The following KSR2 variants were observed in gnomAD, a reference collection of about 807,000 sequenced individuals.
KSR2 encodes the protein kinase suppressor of ras 2.
Under a neutral mutation model 107.8 loss-of-function variants are expected in KSR2, and 25 were observed. That is an observed-to-expected ratio of 0.23 (90% CI 0.17 to 0.32). KSR2 has a LOEUF of 0.32. KSR2 is among the 10% of genes least tolerant of loss of function. KSR2 has a pLI of 1.00. For synonymous variants in KSR2, 480 were observed against 507.0 expected, an observed-to-expected ratio of 0.95 and a Z score of 0.71; for missense variants, 887 against 1,268.9, an observed-to-expected ratio of 0.70 and a Z score of 4.57.
At chr12:117,726,212 A>G (rs540171453) in intron 4 of KSR2, among the ~76,000 whole-genome samples, 8 of 152,232 alleles carry the variant, frequency 5.3e-5, no homozygotes, top group Admixed American at 2.0e-4. Context: ...TTTTAAAAAG[A>G]TAACCCAATT....
At chr12:117,816,814 C>A (rs549164506) in intron 3 of KSR2, among the ~76,000 whole-genome samples, 1 of 152,176 alleles carries the variant, frequency 6.6e-6, no homozygotes, top group African/African-American at 2.4e-5. Flanking sequence ...GATCATCACC[C>A]CCATTTTGCA....
intron 5 of KSR2, among the ~76,000 whole-genome samples, chr12:117,584,965 G>A (rs1043597776): frequency 1.1e-4 from 17 of 152,178 alleles, no homozygotes; most frequent in African/African-American, 3.6e-4. Context: ...AGGAGCCCCC[G>A]CACCCCCGTT....
intron 4 of KSR2, among the ~76,000 whole-genome samples, chr12:117,698,846 T>C (rs1243393557): frequency 3.3e-5 from 5 of 152,196 alleles, no homozygotes; most frequent in Non-Finnish European, 1.5e-5. Context: ...TCTGATTGTC[T>C]CCTGACTGGG....
At position 117,555,206 on chromosome 12, in the gene KSR2, A is replaced by C; in HGVS notation, c.1481T>G (p.Ile494Ser). Residue 494 changes from isoleucine (I) to serine (S), a missense_variant, in exon 9 of 20, where the codon ATC becomes AGC. Physicochemically the swap from Ile to Ser is moderately radical, Grantham distance 142. This residue lies in a region of KSR2 where 60 missense variants were observed against 77.5 expected (regional missense o/e 0.77). Coordinates refer to ENST00000339824, the MANE Select transcript of KSR2 (RefSeq NM_173598.6). ...RKPPRYSDLHISQTLPKTNKI... is the reference protein window; with the variant it reads ...RKPPRYSDLHSSQTLPKTNKI... Reference sequence around the variant, plus strand: ...GTTGGTTTTGGGGAGCGTCTGACTGATGTGCAGGTCTGAATAGCGAGGTGG... The same window carrying C: ...GTTGGTTTTGGGGAGCGTCTGACTGCTGTGCAGGTCTGAATAGCGAGGTGG... 2 of 1,613,928 alleles carry C rather than the reference A, an allele frequency of 1.2e-6. No individual in the cohort carries two copies. Among genetic ancestry groups the C allele is most frequent in the East Asian group, 2.2e-5 (1 of 44,876 alleles).
intron 5 of KSR2, among the ~76,000 whole-genome samples, chr12:117,632,718 T>C (rs1297338843): frequency 1.3e-5 from 2 of 152,178 alleles, no homozygotes; most frequent in African/African-American, 4.8e-5. Flanking sequence ...GGCCCTGGTG[T>C]CTGTTGTTCC....
intron 5 of KSR2, among the ~76,000 whole-genome samples, chr12:117,647,061 A>G (rs1568160): frequency 0.91 from 138,840 of 152,186 alleles, 63,566 homozygotes; most frequent in East Asian, 0.99. Flanking sequence ...ACAGAGAAAA[A>G]AGAGAGGAAG....
intron 1 of KSR2, among the ~76,000 whole-genome samples, chr12:117,944,610 C>T (rs1355209247): frequency 6.6e-6 from 1 of 151,964 alleles, no homozygotes; most frequent in Admixed American, 6.6e-5. Context: ...AATCCCAGCA[C>T]TTTGGGAGGC....
intron 4 of KSR2, among the ~76,000 whole-genome samples, chr12:117,720,434 T>C (rs1028877471): frequency 6.6e-6 from 1 of 152,234 alleles, no homozygotes; most frequent in Non-Finnish European, 1.5e-5. Flanking sequence ...AGCCCATTAA[T>C]AGGCTCCAGA....
chr12:117,479,447 G>A (rs2137129936), intron 16 of KSR2, among the ~76,000 whole-genome samples: 1 of 152,258 alleles, frequency 6.6e-6, no homozygotes, highest in East Asian at 1.9e-4. Flanking sequence ...TTTGGGTCTG[G>A]GCAGTTCTTT....
intron 10 of KSR2, among the ~76,000 whole-genome samples, chr12:117,538,679 G>A (rs1205526878): frequency 2.6e-5 from 4 of 152,214 alleles, no homozygotes; most frequent in Admixed American, 6.5e-5. Flanking sequence ...GCCACATGTG[G>A]CTACTGAGCC....
intron 5 of KSR2, among the ~76,000 whole-genome samples, chr12:117,635,991 C>T (rs1312077086): frequency 6.6e-6 from 1 of 152,144 alleles, no homozygotes; most frequent in African/African-American, 2.4e-5. Context: ...AGGGTTTCTC[C>T]ATGTTGGCCA....
chr12:117,773,874 CT>C (rs34108269), intron 3 of KSR2, among the ~76,000 whole-genome samples: 15,065 of 152,214 alleles, frequency 0.099, 1,023 homozygotes, highest in South Asian at 0.22. Flanking sequence ...TGCTGTGCCC[CT>C]ACCATGTGCC....
intron 3 of KSR2, among the ~76,000 whole-genome samples, chr12:117,826,913 C>T (rs1158923933): frequency 4.0e-5 from 6 of 151,428 alleles, no homozygotes; most frequent in African/African-American, 1.5e-4. Flanking sequence ...TGGTGAACCC[C>T]ATCTCTACAA....
chr12:117,541,499 G>T (rs1295378960), intron 9 of KSR2, among the ~76,000 whole-genome samples: 7 of 152,290 alleles, frequency 4.6e-5, no homozygotes, highest in African/African-American at 1.7e-4. Context: ...ACCTCCACAT[G>T]ATATAAAAGG....
At chr12:117,900,403 GGT>G (rs1165303908) in intron 1 of KSR2, among the ~76,000 whole-genome samples, 1 of 152,166 alleles carries the variant, frequency 6.6e-6, no homozygotes, top group Non-Finnish European at 1.5e-5. Flanking sequence ...AAGGTGCTGT[GGT>G]CAGTCTTTAG....
intron 7 of KSR2, among the ~76,000 whole-genome samples, chr12:117,565,081 A>C (rs959115703): frequency 1.3e-5 from 2 of 152,176 alleles, no homozygotes; most frequent in Admixed American, 1.3e-4. Flanking sequence ...TTTTCTTGAA[A>C]GATGTGTCAT....
In KSR2 at chr12:117,765,385, A is replaced by G. The variant is rs77999193; in HGVS notation, c.473-3861T>C. On this transcript the variant is annotated intron_variant, in intron 3 of 19. Transcript: ENST00000339824. ...TGGGATTGGGAACCAGAAGAACCCA[A>G]TAGAATTCTGGTTAAACCACTGACC... Among the ~76,000 whole-genome samples the G allele has an allele frequency of 2.0e-3, 298 of 152,304 alleles. 3 individuals carry two copies. The highest frequency in any genetic ancestry group is 6.8e-3 in the African/African-American group (281 of 41,566).
intron 14 of KSR2, among the ~76,000 whole-genome samples, chr12:117,523,814 A>G (rs963485976): frequency 1.3e-5 from 2 of 152,150 alleles, no homozygotes; most frequent in Non-Finnish European, 2.9e-5. Context: ...CTCTACTAAA[A>G]ATACAAAATT....
intron 14 of KSR2, among the ~76,000 whole-genome samples, chr12:117,495,345 T>C (rs983694252): frequency 6.6e-6 from 1 of 152,236 alleles, no homozygotes; most frequent in Admixed American, 6.5e-5. Flanking sequence ...ACTCAAGATA[T>C]TAAACCTTGG....
Sources: gnomAD v4.1 joint callset for allele counts (sites outside exome capture counted in the v4.1 genomes callset) on GRCh38, gnomAD v4.1.1 for gene constraint, gnomAD v4.1.1 regional missense constraint, MANE v1.5 for transcripts, NCBI Gene and HGNC (gene_info 2026-07-23, HGNC 2026-07-21) for gene names.